Variants in ELF4 observed in about 807,000 individuals in gnomAD.
The protein encoded by ELF4 is ETS-related transcription factor Elf-4.
Under a neutral mutation model 31.7 loss-of-function variants are expected in ELF4, and 10 were observed. The observed-to-expected ratio is 0.32, with a 90% CI of 0.19 to 0.54. The LOEUF is 0.54. Ranked by LOEUF, ELF4 falls within the 20% of genes least tolerant of loss-of-function variation. The pLI, the probability that ELF4 is intolerant of heterozygous loss-of-function variation, is 0.95. For missense variants in ELF4, 418 were observed against 522.0 expected (o/e 0.80, Z 1.94); for synonymous variants, 208 against 226.7 (o/e 0.92, Z 0.74).
At chrX:130,093,011 A>T (rs1933086503) in intron 1 of ELF4, among the ~76,000 whole-genome samples, 1 of 111,021 alleles carries the variant, frequency 9.0e-6, no homozygotes, top group African/African-American at 3.3e-5. Flanking sequence ...ACTGTTAAAA[A>T]AAAAAAAAAT....
At chrX:130,082,316 G>A (rs1932897823) in intron 1 of ELF4, among the ~76,000 whole-genome samples, 1 of 111,377 alleles carries the variant, frequency 9.0e-6, no homozygotes, top group African/African-American at 3.3e-5. Flanking sequence ...CCCTGTTTTC[G>A]TCAGCACCCC....
intron 1 of ELF4, among the ~76,000 whole-genome samples, chrX:130,100,765 C>T (rs951691555): frequency 3.6e-5 from 4 of 111,721 alleles, no homozygotes; most frequent in African/African-American, 1.3e-4. Flanking sequence ...CTCTTGTTTC[C>T]CCAACAGGTA....
upstream of ELF4, among the ~76,000 whole-genome samples, chrX:130,110,971 AGGGAGGGACCGAC>A (rs1933478168): frequency 1.7e-5 from 1 of 58,135 alleles, no homozygotes; most frequent in Non-Finnish European, 3.1e-5. Context: ...GAAGAGCCGG[AGGGAGGGACCGAC>A]GGGAGGGACT....
chrX:130,096,155 G>A (rs1194426592), intron 1 of ELF4, among the ~76,000 whole-genome samples: 1 of 111,525 alleles, frequency 9.0e-6, no homozygotes, highest in East Asian at 2.8e-4. Context: ...TTTCTTTTGG[G>A]GGTGATGAAA....
At chrX:130,097,283 C>A (rs1933167836) in intron 1 of ELF4, among the ~76,000 whole-genome samples, 1 of 109,223 alleles carries the variant, frequency 9.2e-6, no homozygotes, top group Non-Finnish European at 1.9e-5. Flanking sequence ...ACTAAAAATA[C>A]AAAATTAGCT....
chrX:130,091,121 A>G (rs1282769892), intron 1 of ELF4, among the ~76,000 whole-genome samples: 2 of 112,030 alleles, frequency 1.8e-5, no homozygotes, highest in Non-Finnish European at 3.8e-5. Context: ...CACCAAGTTC[A>G]TTTCTTTTTT....
upstream of ELF4, among the ~76,000 whole-genome samples, chrX:130,111,051 C>T (rs1223490967): frequency 7.8e-5 from 8 of 102,351 alleles, no homozygotes; most frequent in East Asian, 3.2e-4. Context: ...TCGGTGGAAA[C>T]AGCGCCCGTC....
chrX:130,081,155 C>G lies in ELF4; in HGVS notation c.75+101G>C, dbSNP rs1292290132. On this transcript the variant is annotated intron_variant, in intron 2 of 8. Transcript: ENST00000308167. The stretch of plus-strand genomic sequence containing the variant: ...TGCTTGATGGATATTTGCTGATTGG[C>G]TAGCTGTGCAGCCAGCTGGCTCCCT... 7.2e-6 allele frequency: 7 copies of G among 974,703 alleles called. No homozygotes were observed. The African/African-American group carries it at 9.5e-5, about 13-fold the overall frequency. 80.3% of individuals were successfully genotyped at this position (974,703 alleles called of 1,213,427 possible).
At chrX:130,086,708 T>C (rs939250610) in intron 1 of ELF4, among the ~76,000 whole-genome samples, 5 of 112,383 alleles carry the variant, frequency 4.4e-5, no homozygotes, top group African/African-American at 1.6e-4. Flanking sequence ...TGAATAAAGA[T>C]GGCAGTGGAA....
chrX:130,089,807 A>G (rs1933024446), intron 1 of ELF4, among the ~76,000 whole-genome samples: 1 of 112,495 alleles, frequency 8.9e-6, no homozygotes, highest in Non-Finnish European at 1.9e-5. Flanking sequence ...GCCAATAACA[A>G]TGAAGCCACG....
At chrX:130,075,047 C>A (rs977525200) in intron 2 of ELF4, among the ~76,000 whole-genome samples, 1 of 110,109 alleles carries the variant, frequency 9.1e-6, no homozygotes, top group Non-Finnish European at 1.9e-5. Context: ...CAGCTCACTG[C>A]AACCTCCGCC....
intron 2 of ELF4, among the ~76,000 whole-genome samples, chrX:130,075,198 A>G (rs1173015991): frequency 1.8e-5 from 2 of 109,619 alleles, no homozygotes; most frequent in Non-Finnish European, 3.8e-5. Flanking sequence ...CGAACTCCTG[A>G]CCTCAGGTGA....
chrX:130,100,825 T>G (rs1370340001), intron 1 of ELF4, among the ~76,000 whole-genome samples: 1 of 112,225 alleles, frequency 8.9e-6, no homozygotes, highest in Non-Finnish European at 1.9e-5. Flanking sequence ...TAACACAGGT[T>G]TGGGCATTCA....
At chrX:130,105,095 G>A (rs1473571021) in intron 1 of ELF4, among the ~76,000 whole-genome samples, 1 of 110,946 alleles carries the variant, frequency 9.0e-6, no homozygotes, top group Admixed American at 9.6e-5. Context: ...GCTTGAACCC[G>A]GGAGATGGAG....
At chrX:130,095,145 G>C (rs1447832492) in intron 1 of ELF4, among the ~76,000 whole-genome samples, 1 of 111,887 alleles carries the variant, frequency 8.9e-6, no homozygotes, top group Non-Finnish European at 1.9e-5. Flanking sequence ...AAAATGACAA[G>C]ATGACAGGGT....
At chrX:130,080,975 C>CTGA (rs1390468856) in intron 2 of ELF4, among the ~76,000 whole-genome samples, 1 of 112,782 alleles carries the variant, frequency 8.9e-6, no homozygotes, top group African/African-American at 3.2e-5. Flanking sequence ...AACAGCCCAG[C>CTGA]TGATGTACTT....
rs1220633924 is a variant in ELF4 at position 130,065,235 on chromosome X, G to C, written c.*1486C>G. ...TCCGTGGCTGACATTTCTTAGCCTTGCCCTCAAACTTGGCAGGAGGGAGGC... is the reference window on the plus strand; with the variant it reads ...TCCGTGGCTGACATTTCTTAGCCTTCCCCTCAAACTTGGCAGGAGGGAGGC... On this transcript the variant is annotated 3_prime_UTR_variant, in exon 9 of 9. Coordinates refer to ENST00000308167, the MANE Select transcript of ELF4 (RefSeq NM_001421.4). The C allele has an allele frequency of 1.2e-5, 2 of 173,861 alleles. No individual in the cohort carries two copies. The highest frequency in any genetic ancestry group is 5.9e-5 in the African/African-American group (2 of 33,841). The allele number at this position is 173,861 out of a possible 1,213,427, so 14.3% of individuals were successfully genotyped here. A position where few individuals can be genotyped will look rare whatever the true frequency, so the allele number is the denominator to read the frequency against.
intron 1 of ELF4, among the ~76,000 whole-genome samples, chrX:130,089,361 T>G (rs1444657242): frequency 3.8e-5 from 4 of 104,421 alleles, no homozygotes; most frequent in Non-Finnish European, 7.9e-5. Flanking sequence ...ATACAAAAAT[T>G]AGCCAGACGT....
In ELF4 at chrX:130,066,323, A is replaced by C. The variant is rs1253939950; in HGVS notation, c.*398T>G. On this transcript the variant is annotated 3_prime_UTR_variant, in exon 9 of 9. Transcript: ENST00000308167. ...CAGACCAACAAGTACACACAAGTAC[A>C]TACAGGGATATTCACATATAGGGTA... The C allele has an allele frequency of 8.5e-6, 2 of 234,926 alleles. No individual in the cohort carries two copies. The highest frequency in any genetic ancestry group is 1.3e-4 in the South Asian group (1 of 7,991). 19.4% of individuals were successfully genotyped at this position (234,926 alleles called of 1,213,427 possible).
Sources: allele counts gnomAD v4.1 joint callset (sites outside exome capture counted in the v4.1 genomes callset), GRCh38; gene constraint gnomAD v4.1.1; transcripts MANE v1.5; gene names NCBI Gene and HGNC (gene_info 2026-07-23, HGNC 2026-07-21).